Variants in LRP5 observed in about 807,000 individuals in gnomAD.
LRP5 encodes the protein LDL receptor related protein 5.
A neutral mutation model predicts 154.1 loss-of-function variants in LRP5; 62 were observed. The observed-to-expected ratio is 0.40, with a 90% CI of 0.33 to 0.50. LRP5 has a LOEUF of 0.50. Among genes scored for constraint, LRP5 ranks in the 20% least tolerant of loss-of-function variants. The pLI is 0.55. For missense variants in LRP5, 1,915 were observed against 2,336.7 expected (o/e 0.82, Z 3.72); for synonymous variants, 966 against 1,011.5 (o/e 0.96, Z 0.85).
Position 68,406,536 on chromosome 11 carries a change from G to A in LRP5, c.1814G>A (p.Cys605Tyr), listed in dbSNP as rs1293483400. The A allele has an allele frequency of 6.2e-7, 1 of 1,614,038 alleles. No individual in the cohort carries two copies. Among genetic ancestry groups the A allele is most frequent in the Non-Finnish European group, 8.5e-7 (1 of 1,180,034 alleles). Residue 605 changes from cysteine to tyrosine, a missense_variant, in exon 9 of 23, where the codon TGT becomes TAT. Cys to Tyr is a radical substitution (Grantham distance 194). Coordinates refer to ENST00000294304, the MANE Select transcript of LRP5 (RefSeq NM_002335.4). ...TGTTCGCTTCCAGGAACCAACCCGTGTGCGGACAGGAACGGGGGGTGCAGC... is the reference window on the plus strand; with the variant it reads ...TGTTCGCTTCCAGGAACCAACCCGTATGCGGACAGGAACGGGGGGTGCAGC... ...NVAKVVGTNP[C>Y]ADRNGGCSHL...
chr11:68,329,007 C>T lies in LRP5; in HGVS notation c.91+16202C>T, dbSNP rs189242288. On this transcript the variant is annotated intron_variant, in intron 1 of 22. Transcript: ENST00000294304. ...GATCCGTGAGCCCGCCCTTCCCACA[C>T]GTGTGCATGCACACACACATGTGCA... 7.9e-5 allele frequency among the ~76,000 whole-genome samples: 12 copies of T among 152,292 alleles called. No individual in the cohort carries two copies. In the East Asian group the frequency reaches 9.7e-4, roughly 12 times the overall value.
intron 1 of LRP5, among the ~76,000 whole-genome samples, chr11:68,322,978 G>T (rs944243673): frequency 2.0e-5 from 3 of 152,232 alleles, no homozygotes; most frequent in Admixed American, 6.5e-5. Context: ...CACGGTGGGG[G>T]CTTGGGCATT....
chr11:68,336,737 G>A (rs1306652629), intron 1 of LRP5, among the ~76,000 whole-genome samples: 1 of 152,196 alleles, frequency 6.6e-6, no homozygotes, highest in Non-Finnish European at 1.5e-5. Flanking sequence ...CCAAAGTGCT[G>A]AGATTACAGT....
chr11:68,365,614 G>T lies in LRP5; in HGVS notation c.927G>T (p.Leu309=). ...AGGACAATGGCGGCTGCTCCCACCT[G>T]TGCCTGCTGTCCCCAAGCGAGCCTT... The part of the protein sequence containing the change: ...CEEDNGGCSH[L]CLLSPSEPFY... The change falls in exon 5 of 23, where the codon CTG becomes CTT. Residue 309 remains leucine (L), a synonymous_variant. Transcript: ENST00000294304. The T allele has an allele frequency of 6.2e-7, 1 of 1,613,918 alleles. No individual in the cohort carries two copies. The highest frequency in any genetic ancestry group is 1.1e-5 in the South Asian group (1 of 91,070).
At chr11:68,411,372 C>A in intron 10 of LRP5, 64 bp from the exon 11 acceptor site, 1 of 1,559,846 alleles carries the variant, frequency 6.4e-7, no homozygotes. Context: ...CGTCCCCCCG[C>A]CACCCACTGT....
At chr11:68,330,445 C>T (rs1473644426) in intron 1 of LRP5, among the ~76,000 whole-genome samples, 5 of 152,204 alleles carry the variant, frequency 3.3e-5, no homozygotes, top group African/African-American at 1.2e-4. Context: ...AGGCGATTTG[C>T]TTCTGGTAAC....
At chr11:68,404,503 A>T in intron 8 of LRP5, 1 of 489,104 alleles carries the variant, frequency 2.0e-6, no homozygotes. Context: ...CTGGGAATTG[A>T]GGGAGCAGGT....
intron 5 of LRP5, among the ~76,000 whole-genome samples, chr11:68,375,171 G>A (rs2098636667): frequency 6.6e-6 from 1 of 152,222 alleles, no homozygotes; most frequent in African/African-American, 2.4e-5. Flanking sequence ...TCCGCATTTG[G>A]TGATGACTCC....
chr11:68,365,340 T>G (rs1471799325), intron 4 of LRP5, among the ~76,000 whole-genome samples: 1 of 151,034 alleles, frequency 6.6e-6, no homozygotes, highest in African/African-American at 2.4e-5. Flanking sequence ...CGGCTGGTTT[T>G]GGGGAAATTG....
intron 5 of LRP5, among the ~76,000 whole-genome samples, chr11:68,371,167 A>G (rs1039245799): frequency 1.3e-5 from 2 of 152,174 alleles, no homozygotes; most frequent in African/African-American, 4.8e-5. Context: ...TAGAGGTTTT[A>G]GAGTTGAGAA....
chr11:68,320,388 T>C (rs1412730851), intron 1 of LRP5, among the ~76,000 whole-genome samples: 11 of 152,194 alleles, frequency 7.2e-5, no homozygotes, highest in Admixed American at 7.2e-4. Flanking sequence ...TTTACTTTTC[T>C]GCAAATTGCC....
chr11:68,333,170 C>T (rs1230126824), intron 1 of LRP5, among the ~76,000 whole-genome samples: 1 of 152,176 alleles, frequency 6.6e-6, no homozygotes, highest in Non-Finnish European at 1.5e-5. Flanking sequence ...GTTGAATACA[C>T]TGTGAGCTGC....
chr11:68,366,231 C>T (rs577125865), intron 5 of LRP5, among the ~76,000 whole-genome samples: 1 of 152,266 alleles, frequency 6.6e-6, no homozygotes, highest in African/African-American at 2.4e-5. Context: ...ACCAGTCCTC[C>T]CCGTTTCTGT....
Position 68,389,865 on chromosome 11 carries a change from TCTG to T in LRP5, c.1413-13_1413-11del. 6.2e-7 allele frequency: 1 copy of T among 1,614,234 alleles called. No individual in the cohort carries two copies. Among genetic ancestry groups the T allele is most frequent in the South Asian group, 1.1e-5 (1 of 91,090 alleles). On this transcript the variant is annotated splice_polypyrimidine_tract_variant and intron_variant, in intron 6 of 22. Coordinates refer to ENST00000294304, the MANE Select transcript of LRP5 (RefSeq NM_002335.4). ...AGACAGACTCATGGGGTCATGGACT[TCTG>T]CTTCTTCTCCAGCCTCATGTACTGG...
chr11:68,382,483 A>G (rs2098640770), intron 5 of LRP5, among the ~76,000 whole-genome samples: 2 of 152,178 alleles, frequency 1.3e-5, no homozygotes, highest in South Asian at 4.1e-4. Flanking sequence ...TTCACAGTAC[A>G]GTTCGTGGCT....
chr11:68,368,445 G>A (rs2098632279), intron 5 of LRP5, among the ~76,000 whole-genome samples: 1 of 152,254 alleles, frequency 6.6e-6, no homozygotes, highest in South Asian at 2.1e-4. Context: ...GGAGCATGCT[G>A]GTGTTGGGAC....
At chr11:68,436,829 C>G in intron 18 of LRP5, 60 bp from the exon 19 acceptor site, 1 of 1,276,194 alleles carries the variant, frequency 7.8e-7, no homozygotes, top group South Asian at 1.2e-5. Flanking sequence ...TTGCTGTGCC[C>G]TGCATGGTGG....
At chr11:68,302,345 C>CAAA in the LRP5 span, among the ~76,000 whole-genome samples, 134 of 84,428 alleles carry the variant, frequency 1.6e-3, 1 homozygote, top group African/African-American at 6.1e-3. Context: ...GACTCCATCT[C>CAAA]AAAAAAAAAA....
At chr11:68,432,091 C>G (rs1565109724) in intron 17 of LRP5, among the ~76,000 whole-genome samples, 1 of 152,214 alleles carries the variant, frequency 6.6e-6, no homozygotes, top group Non-Finnish European at 1.5e-5. Flanking sequence ...TCAGCAGTGC[C>G]ATCACCACCG....
Sources: allele counts gnomAD v4.1 joint callset (sites outside exome capture counted in the v4.1 genomes callset), GRCh38; gene constraint gnomAD v4.1.1; transcripts MANE v1.5; gene names NCBI Gene and HGNC (gene_info 2026-07-23, HGNC 2026-07-21).